Variants in NPAS4 observed in about 807,000 individuals in gnomAD.
NPAS4 encodes the protein neuronal PAS domain protein 4.
NPAS4 carries 10 observed loss-of-function variants against 64.0 expected under a neutral mutation model. That is an observed-to-expected ratio of 0.16 (90% confidence interval 0.10 to 0.26). The LOEUF is 0.26. NPAS4 is among the 10% of genes least tolerant of loss of function. The pLI is 1.00. For synonymous variants in NPAS4, 441 were observed against 411.7 expected (o/e 1.07, Z -0.86); for missense variants, 886 against 992.6 (o/e 0.89, Z 1.44).
chr11:66,423,804 C>G, intron 6 of NPAS4, 31 bp from the exon 7 acceptor site: 1 of 1,601,346 alleles, frequency 6.2e-7, no homozygotes, highest in Non-Finnish European at 8.5e-7. Context: ...GACGTCGGAC[C>G]CTTACCAGCT....
In NPAS4 at chr11:66,422,673, G is replaced by A; in HGVS notation, c.431-1G>A. Reference sequence around the variant, plus strand: ...ATCTGTTTTTCTCTTCATCTATCTAGATCGCCTCTTCCGCTGCCGCTTCAA... The same window carrying A: ...ATCTGTTTTTCTCTTCATCTATCTAAATCGCCTCTTCCGCTGCCGCTTCAA... On this transcript the variant is annotated splice_acceptor_variant, in intron 3 of 7. Coordinates refer to ENST00000311034, the MANE Select transcript of NPAS4 (RefSeq NM_178864.4). LOFTEE classifies it high-confidence loss of function. 1 of 1,613,668 alleles carries A rather than the reference G, an allele frequency of 6.2e-7. No homozygotes were observed. Among genetic ancestry groups the A allele is most frequent in the Non-Finnish European group, 8.5e-7 (1 of 1,179,806 alleles).
At position 66,424,065 on chromosome 11, in the gene NPAS4, G is replaced by A. The variant is rs200506075; in HGVS notation, c.1175G>A (p.Arg392Gln). The change falls in exon 7 of 8, where the codon CGA becomes CAA. Residue 392 changes from arginine to glutamine, a missense_variant. Coordinates refer to ENST00000311034, the MANE Select transcript of NPAS4 (RefSeq NM_178864.4). ...SVVSASEELP[R>Q]PSKELDFSYL... ...GTCTCTGCATCAGAAGAGCTTCCCC[G>A]ACCCTCCAAAGAACTGGACTTCAGT... The A allele has an allele frequency of 1.9e-6, 3 of 1,614,018 alleles. No individual in the cohort carries two copies. The highest frequency in any genetic ancestry group is 1.7e-5 in the Admixed American group (1 of 60,012).
intron 1 of NPAS4, among the ~76,000 whole-genome samples, chr11:66,421,560 T>A (rs1856742341): frequency 6.6e-6 from 1 of 152,194 alleles, no homozygotes; most frequent in African/African-American, 2.4e-5. Context: ...TTAGAGAGCC[T>A]GGACGGTGTC....
chr11:66,422,145 G>C lies in NPAS4; in HGVS notation c.201G>C (p.Gly67=). The part of the protein sequence containing the change: ...AGGTPLAGPT[G]LLSAQELEDI... ...GCACTCCTCTGGCGGGCCCCACGGG[G>C]CTTCTCTCAGCTCAAGAGCTTGAGG... is the stretch of plus-strand genomic sequence containing the variant. Residue 67 remains glycine, a synonymous_variant, in exon 2 of 8, where the codon GGG becomes GGC. Coordinates refer to ENST00000311034, the MANE Select transcript of NPAS4 (RefSeq NM_178864.4). 5 of 1,614,060 alleles carry C rather than the reference G, an allele frequency of 3.1e-6. No individual in the cohort carries two copies. Among genetic ancestry groups the C allele is most frequent in the Non-Finnish European group, 4.2e-6 (5 of 1,180,026 alleles).
chr11:66,417,552 G>C (rs965636942), upstream of NPAS4, among the ~76,000 whole-genome samples: 4 of 152,156 alleles, frequency 2.6e-5, no homozygotes, highest in African/African-American at 9.7e-5. Flanking sequence ...TTGGAAAGAG[G>C]AGAAGATGTT....
At chr11:66,423,288 AC>A in intron 5 of NPAS4, 56 bp downstream of exon 5, 2 of 1,180,060 alleles carry the variant, frequency 1.7e-6, no homozygotes, top group Non-Finnish European at 2.5e-6. Flanking sequence ...GGCATGGGAG[AC>A]CAGACAAAGA....
At chr11:66,409,207 G>GC in the NPAS4 span, 1 of 124,086 alleles carries the variant, frequency 8.1e-6, no homozygotes. Flanking sequence ...AGCTGCCCCC[G>GC]CCCCCGAGCC....
chr11:66,414,745 C>T, the NPAS4 span, among the ~76,000 whole-genome samples: 13 of 152,194 alleles, frequency 8.5e-5, no homozygotes, highest in Admixed American at 8.5e-4. Flanking sequence ...CGTGGGTTTC[C>T]TATTCTCACT....
rs543750390 is a variant in NPAS4, at chr11:66,426,132, G to C, written c.*143G>C. 2.1e-4 allele frequency: 98 copies of C among 470,342 alleles called. No homozygotes were observed. Among genetic ancestry groups the C allele is most frequent in the East Asian group, 2.0e-3 (42 of 21,520 alleles). 29.1% of individuals were successfully genotyped at this position (470,342 alleles called of 1,614,324 possible). ...TTCCCCAGGCCCTGCAGGATTTTGG[G>C]GGGGGGGAGGTGGGAGGGCAAGGGA... On this transcript the variant is annotated 3_prime_UTR_variant, in exon 8 of 8. Coordinates refer to ENST00000311034, the MANE Select transcript of NPAS4 (RefSeq NM_178864.4).
chr11:66,415,124 C>G, the NPAS4 span, among the ~76,000 whole-genome samples: 1 of 152,118 alleles, frequency 6.6e-6, no homozygotes, highest in Non-Finnish European at 1.5e-5. Context: ...AGACTAGGGT[C>G]GGAATAGGGA....
rs1325297582 is a variant in NPAS4 at position 66,422,738 on chromosome 11, A to G, written c.495A>G (p.Lys165=). 3 of 1,613,746 alleles carry G rather than the reference A, an allele frequency of 1.9e-6. No homozygotes were observed. Among genetic ancestry groups the G allele is most frequent in the East Asian group, 2.2e-5 (1 of 44,858 alleles). The change falls in exon 4 of 8, where the codon AAA becomes AAG. Residue 165 remains lysine, a synonymous_variant. Coordinates refer to ENST00000311034, the MANE Select transcript of NPAS4 (RefSeq NM_178864.4). ...KSLRRQSAGN[K]LVLIRGRFHA... is the part of the protein sequence containing the mutation. ...TCAGGCGCCAGAGTGCAGGCAACAA[A>G]CTCGTGCTTATTCGAGGCCGATTCC...
upstream of NPAS4, among the ~76,000 whole-genome samples, chr11:66,418,120 G>C (rs914062761): frequency 3.3e-5 from 5 of 152,174 alleles, no homozygotes; most frequent in African/African-American, 1.2e-4. Flanking sequence ...TGAGAGGCTT[G>C]CTCTCCCATT....
the NPAS4 span, among the ~76,000 whole-genome samples, chr11:66,411,168 A>G: frequency 6.6e-6 from 1 of 152,302 alleles, no homozygotes; most frequent in South Asian, 2.1e-4. Flanking sequence ...GGACCCCAGC[A>G]TTGGGCAATG....
In NPAS4 at chr11:66,424,361, G is replaced by A; in HGVS notation, c.1471G>A (p.Glu491Lys). The A allele has an allele frequency of 6.2e-7, 1 of 1,614,080 alleles. No homozygotes were observed. The highest frequency in any genetic ancestry group is 8.5e-7 in the Non-Finnish European group (1 of 1,179,984). ...LTSPLQGQLTETSVRSYEDQL... is the reference protein window; with the variant it reads ...LTSPLQGQLTKTSVRSYEDQL... The stretch of plus-strand genomic sequence containing the variant: ...TAGCCCACTGCAAGGCCAGTTGACT[G>A]AAACCTCGGTCAGAAGCTATGAAGA... Residue 491 changes from glutamate to lysine, a missense_variant, in exon 7 of 8, where the codon GAA becomes AAA. Around this residue, in one of 3 missense-constraint regions of NPAS4, gnomAD observed 820 missense variants for 855.5 expected, o/e 0.96. Transcript: ENST00000311034.
upstream of NPAS4, among the ~76,000 whole-genome samples, chr11:66,420,802 G>T (rs914725693): frequency 1.3e-5 from 2 of 152,164 alleles, no homozygotes; most frequent in African/African-American, 4.8e-5. Flanking sequence ...CTCCCGCCAG[G>T]CTTGGCCCCC....
Position 66,423,874 on chromosome 11 carries a change from T to G in NPAS4, c.984T>G (p.Ser328=). The stretch of plus-strand genomic sequence containing the variant: ...GGAGCCTCCGCCAGCAGTTGAACTC[T>G]GAAGACACCCAGGCAGCTTATGTCC... ...EAWSLRQQLN[S]EDTQAAYVLG... The change falls in exon 7 of 8, where the codon TCT becomes TCG. Residue 328 remains serine, a synonymous_variant. Transcript: ENST00000311034. 6.2e-7 allele frequency: 1 copy of G among 1,613,338 alleles called. No individual in the cohort carries two copies. Among genetic ancestry groups the G allele is most frequent in the East Asian group, 2.2e-5 (1 of 44,874 alleles).
chr11:66,424,340 C>A lies in NPAS4; in HGVS notation c.1450C>A (p.Pro484Thr). The part of the protein sequence containing the change: ...SATFPDPLTS[P>T]LQGQLTETSV... ...AACCTTCCCAGATCCACTAACTAGC[C>A]CACTGCAAGGCCAGTTGACTGAAAC... The change falls in exon 7 of 8, where the codon CCA (proline) becomes ACA (threonine). Residue 484 changes from proline (P) to threonine (T), a missense_variant. Physicochemically the swap from Pro to Thr is conservative, Grantham distance 38. Coordinates refer to ENST00000311034, the MANE Select transcript of NPAS4 (RefSeq NM_178864.4). 1 of 1,614,138 alleles carries A rather than the reference C, an allele frequency of 6.2e-7. No homozygotes were observed. Among genetic ancestry groups the A allele is most frequent in the Non-Finnish European group, 8.5e-7 (1 of 1,180,018 alleles).
the NPAS4 span, among the ~76,000 whole-genome samples, chr11:66,413,750 C>T: frequency 6.6e-6 from 1 of 152,174 alleles, no homozygotes; most frequent in Non-Finnish European, 1.5e-5. Flanking sequence ...CTCAAATGCA[C>T]CTGCTTGGGG....
chr11:66,416,619 A>G (rs117084151), upstream of NPAS4, among the ~76,000 whole-genome samples: 3 of 152,316 alleles, frequency 2.0e-5, no homozygotes, highest in South Asian at 2.1e-4. Flanking sequence ...AATTGCATCA[A>G]TGCATCTTTC....
Sources: allele counts gnomAD v4.1 joint callset (sites outside exome capture counted in the v4.1 genomes callset), GRCh38; gene constraint gnomAD v4.1.1; regional missense constraint gnomAD v4.1.1; transcripts MANE v1.5; gene names NCBI Gene and HGNC (gene_info 2026-07-23, HGNC 2026-07-21).